Variants in R3HDM2 observed in about 807,000 individuals in gnomAD.
R3HDM2 encodes R3H domain-containing protein 2.
R3HDM2 carries 38 observed loss-of-function variants against 124.5 expected under a neutral mutation model. That is an observed-to-expected ratio of 0.31 (90% CI 0.24 to 0.40). R3HDM2 has a LOEUF of 0.40. Among genes scored for constraint, R3HDM2 ranks in the 10% least tolerant of loss-of-function variants. R3HDM2 has a pLI of 1.00. For missense variants in R3HDM2, 869 were observed against 1,236.9 expected (o/e 0.70, Z 4.46); for synonymous variants, 391 against 448.0 (o/e 0.87, Z 1.61).
At position 57,337,139 on chromosome 12, in the gene R3HDM2, T is replaced by TTTG. The variant is rs528126049; in HGVS notation, c.-35-26679_-35-26677dup. 7.3e-3 allele frequency among the ~76,000 whole-genome samples: 1,107 copies of TTTG among 151,332 alleles called. 16 individuals carry two copies. The highest frequency in any genetic ancestry group is 0.023 in the African/African-American group (964 of 41,146). On this transcript the variant is annotated intron_variant, in intron 2 of 23. Coordinates refer to ENST00000402412, the MANE Select transcript of R3HDM2 (RefSeq NM_001394031.1). ...TTCCCAAGAATTCTCTTTCTCTCTTTTTGTTGTTGTTGTTGTTGTTGTTGT... is the reference window on the plus strand; with the variant it reads ...TTCCCAAGAATTCTCTTTCTCTCTTTTTGTTGTTGTTGTTGTTGTTGTTGTTGT...
chr12:57,410,533 A>C lies in R3HDM2; in HGVS notation c.-105-14715T>G, dbSNP rs141108479. Among the ~76,000 whole-genome samples, 61 of 152,246 alleles carry C rather than the reference A, an allele frequency of 4.0e-4. No individual in the cohort carries two copies. In the East Asian group the frequency reaches 0.012, roughly 29 times the overall value. On this transcript the variant is annotated intron_variant, in intron 1 of 23. Coordinates refer to ENST00000402412, the MANE Select transcript of R3HDM2 (RefSeq NM_001394031.1). Reference sequence around the variant, plus strand: ...TGTATTGCCTCATCCATCCAGGTGAAGTGTTAAGAAGTATATTTATTAAGA... The same window carrying C: ...TGTATTGCCTCATCCATCCAGGTGACGTGTTAAGAAGTATATTTATTAAGA...
chr12:57,305,603 C>T (rs1489319385), intron 3 of R3HDM2: 6 of 398,850 alleles, frequency 1.5e-5, no homozygotes, highest in Admixed American at 4.4e-5. Flanking sequence ...TGTTATCATG[C>T]TAGCTACTGG....
At chr12:57,264,260 T>G (rs1344682854) in intron 19 of R3HDM2, among the ~76,000 whole-genome samples, 1 of 128,152 alleles carries the variant, frequency 7.8e-6, no homozygotes, top group Non-Finnish European at 1.7e-5. Context: ...AAAAAAAGAC[T>G]TCCTTCCCAG....
chr12:57,286,166 C>A (rs186575379), intron 12 of R3HDM2, among the ~76,000 whole-genome samples: 4 of 152,298 alleles, frequency 2.6e-5, no homozygotes, highest in Non-Finnish European at 5.9e-5. Flanking sequence ...AGCAGTCACA[C>A]CTCATATTCA....
intron 2 of R3HDM2, among the ~76,000 whole-genome samples, chr12:57,382,853 T>C (rs971980188): frequency 7.9e-5 from 12 of 151,702 alleles, no homozygotes; most frequent in Admixed American, 5.9e-4. Flanking sequence ...AATAACTAAA[T>C]AAAAAATAAA....
chr12:57,422,503 A>G (rs1328956171), intron 1 of R3HDM2, among the ~76,000 whole-genome samples: 1 of 152,108 alleles, frequency 6.6e-6, no homozygotes, highest in Non-Finnish European at 1.5e-5. Context: ...TCTTCCCCAT[A>G]CTTCACCTAG....
At chr12:57,378,038 A>G (rs2064327962) in intron 2 of R3HDM2, among the ~76,000 whole-genome samples, 2 of 152,114 alleles carry the variant, frequency 1.3e-5, no homozygotes, top group South Asian at 2.1e-4. Context: ...GGCGGAGGTT[A>G]AAGTGAGCTG....
At chr12:57,265,637 C>T (rs1184726228) in intron 19 of R3HDM2, among the ~76,000 whole-genome samples, 6 of 151,552 alleles carry the variant, frequency 4.0e-5, no homozygotes, top group African/African-American at 7.3e-5. Context: ...CTTTTTTTTT[C>T]CCCCTAGAGA....
At position 57,280,441 on chromosome 12, in the gene R3HDM2, G is replaced by A; in HGVS notation, c.1261C>T (p.Gln421Ter). The A allele has an allele frequency of 6.2e-7, 1 of 1,614,072 alleles. No individual in the cohort carries two copies. The highest frequency in any genetic ancestry group is 8.5e-7 in the Non-Finnish European group (1 of 1,179,924). The change falls in exon 14 of 24, where the codon CAG becomes TAG. Residue 421 changes from glutamine (Q) to a stop codon, truncating the protein, a stop_gained. Transcript: ENST00000402412. LOFTEE classifies it high-confidence loss of function. Reference sequence around the variant, plus strand: ...GGAAGTTGCTGCTGCTGCTGCTGCTGTTGCTGCTGGGCAGTACAAGGGAGA... The same window carrying A: ...GGAAGTTGCTGCTGCTGCTGCTGCTATTGCTGCTGGGCAGTACAAGGGAGA... ...GLLPCTAQQQ[Q>*]QQQQQQLPAL...
intron 14 of R3HDM2, among the ~76,000 whole-genome samples, chr12:57,273,869 AGGAATTAG>A (rs2044116133): frequency 6.6e-6 from 1 of 152,218 alleles, no homozygotes. Context: ...GGCAGAGTAC[AGGAATTAG>A]AAGACTCTCC....
intron 12 of R3HDM2, among the ~76,000 whole-genome samples, chr12:57,287,472 G>C (rs1368680988): frequency 2.0e-5 from 3 of 152,106 alleles, no homozygotes; most frequent in Non-Finnish European, 2.9e-5. Context: ...CCACAGGGCA[G>C]GACAGCCTAA....
rs1039736149 is a variant in R3HDM2, at chr12:57,428,638, T to C, written c.-106+2082A>G. Reference sequence around the variant, plus strand: ...CCACTGCGCTCCACCCTGGGTGACATAGCGAGAAAGAACAACAACAACAAA... The same window carrying C: ...CCACTGCGCTCCACCCTGGGTGACACAGCGAGAAAGAACAACAACAACAAA... On this transcript the variant is annotated intron_variant, in intron 1 of 23. Coordinates refer to ENST00000402412, the MANE Select transcript of R3HDM2 (RefSeq NM_001394031.1). Among the ~76,000 whole-genome samples, 30 of 152,034 alleles carry C rather than the reference T, an allele frequency of 2.0e-4. 1 individual carries two copies. Among genetic ancestry groups the C allele is most frequent in the South Asian group, 1.2e-3 (6 of 4,812 alleles).
At chr12:57,320,679 A>AT (rs1022578701) in intron 2 of R3HDM2, among the ~76,000 whole-genome samples, 3 of 152,066 alleles carry the variant, frequency 2.0e-5, no homozygotes, top group South Asian at 2.1e-4. Flanking sequence ...AGATTCACCT[A>AT]TTTTTTTCAG....
chr12:57,412,879 C>T (rs1353462629), intron 1 of R3HDM2, among the ~76,000 whole-genome samples: 1 of 151,866 alleles, frequency 6.6e-6, no homozygotes, highest in Non-Finnish European at 1.5e-5. Context: ...GGGCCGGGTG[C>T]AGTGGCTCAC....
intron 1 of R3HDM2, among the ~76,000 whole-genome samples, chr12:57,408,485 C>T (rs1310693833): frequency 6.6e-6 from 1 of 152,054 alleles, no homozygotes; most frequent in African/African-American, 2.4e-5. Flanking sequence ...AATCCCAGCA[C>T]TTTGAGAGGC....
At position 57,254,407 on chromosome 12, in the gene R3HDM2, AG is replaced by A. The variant is rs1401609458; in HGVS notation, c.*365del. ...TGCCAGCTACTTGGGAGGCTGAGGC[AG>A]GAGAATCACCTGAACCCAGGAGCTG... On this transcript the variant is annotated 3_prime_UTR_variant, in exon 24 of 24. Coordinates refer to ENST00000402412, the MANE Select transcript of R3HDM2 (RefSeq NM_001394031.1). The A allele has an allele frequency of 2.8e-6, 1 of 361,944 alleles. No individual in the cohort carries two copies. Among genetic ancestry groups the A allele is most frequent in the Non-Finnish European group, 5.2e-6 (1 of 191,440 alleles). The allele number at this position is 361,944 out of a possible 1,614,324, so 22.4% of individuals were successfully genotyped here.
At chr12:57,288,680 T>C (rs527471321) in intron 12 of R3HDM2, among the ~76,000 whole-genome samples, 78 of 152,062 alleles carry the variant, frequency 5.1e-4, no homozygotes, top group African/African-American at 1.8e-3. Flanking sequence ...AAAAATAAAG[T>C]CATTGACCAG....
intron 19 of R3HDM2, among the ~76,000 whole-genome samples, chr12:57,262,027 A>G (rs1023081919): frequency 1.3e-5 from 2 of 152,054 alleles, no homozygotes; most frequent in Non-Finnish European, 2.9e-5. Flanking sequence ...ATTGTTTTTC[A>G]TTTTTGTTTT....
chr12:57,423,834 G>T (rs951717872), intron 1 of R3HDM2, among the ~76,000 whole-genome samples: 1 of 119,016 alleles, frequency 8.4e-6, no homozygotes, highest in Non-Finnish European at 1.7e-5. Flanking sequence ...AAAAAAAAAG[G>T]CCAGGTGCAG....
Sources: allele counts gnomAD v4.1 joint callset (sites outside exome capture counted in the v4.1 genomes callset), GRCh38; gene constraint gnomAD v4.1.1; transcripts MANE v1.5; gene names NCBI Gene and HGNC (gene_info 2026-07-23, HGNC 2026-07-21).